The following RBFOX1 variants were observed in gnomAD, a reference collection of about 807,000 sequenced individuals.
RBFOX1 encodes the protein RNA binding protein fox-1 homolog 1.
A neutral mutation model predicts 57.7 loss-of-function variants in RBFOX1; 8 were observed. The ratio of observed to expected loss-of-function variants is 0.14; its 90% CI spans 0.08 to 0.25. RBFOX1 has a LOEUF of 0.25. Ranked by LOEUF, RBFOX1 falls within the 10% of genes least tolerant of loss-of-function variation. The pLI is 1.00. For missense variants in RBFOX1, 611 were observed against 548.5 expected, an observed-to-expected ratio of 1.11 and a Z score of -1.14; for synonymous variants, 326 against 222.4, an observed-to-expected ratio of 1.47 and a Z score of -4.15.
chr16:5,705,511 C>T (rs1258394739), intron 3 of RBFOX1, among the ~76,000 whole-genome samples: 2 of 152,200 alleles, frequency 1.3e-5, no homozygotes, highest in Non-Finnish European at 2.9e-5. Flanking sequence ...AAGGATCTCT[C>T]AGCTTTTAAA....
chr16:6,413,406 C>G (rs377116018), intron 2 of RBFOX1, among the ~76,000 whole-genome samples: 70 of 152,032 alleles, frequency 4.6e-4, no homozygotes, highest in African/African-American at 1.6e-3. Flanking sequence ...TCAAGCAGTC[C>G]TCTCATCTTG....
chr16:7,242,036 A>G lies in RBFOX1; in HGVS notation c.27+189938A>G, dbSNP rs138094284. On this transcript the variant is annotated intron_variant, in intron 4 of 15. Transcript: ENST00000550418. Reference sequence around the variant, plus strand: ...CTTTTTTTGTGCAGTGTCCCTGACCACTAGATGCTATTACCATAGGCACCT... The same window carrying G: ...CTTTTTTTGTGCAGTGTCCCTGACCGCTAGATGCTATTACCATAGGCACCT... Among the ~76,000 whole-genome samples the G allele has an allele frequency of 6.4e-3, 971 of 152,244 alleles. 16 individuals are homozygous for G. The highest frequency in any genetic ancestry group is 0.022 in the African/African-American group (922 of 41,534).
chr16:6,668,589 A>G (rs1335944492), intron 3 of RBFOX1, among the ~76,000 whole-genome samples: 10 of 152,206 alleles, frequency 6.6e-5, no homozygotes, highest in Admixed American at 6.5e-4. Context: ...TAGGTGCTCG[A>G]GAAGCCTTCT....
intron 4 of RBFOX1, among the ~76,000 whole-genome samples, chr16:6,006,309 C>T (rs764950610): frequency 1.2e-4 from 18 of 151,798 alleles, no homozygotes; most frequent in Admixed American, 1.3e-4. Context: ...GGTTCAGCCC[C>T]GGGTATGTGA....
At chr16:6,879,182 T>C (rs977688453) in intron 3 of RBFOX1, among the ~76,000 whole-genome samples, 11 of 152,318 alleles carry the variant, frequency 7.2e-5, no homozygotes, top group African/African-American at 2.4e-4. Flanking sequence ...TCAGCCCTTT[T>C]AATAAGTTGT....
intron 1 of RBFOX1, among the ~76,000 whole-genome samples, chr16:5,420,011 G>T (rs1289996389): frequency 6.6e-6 from 1 of 152,148 alleles, no homozygotes; most frequent in Admixed American, 6.5e-5. Context: ...ACTTGGGCCT[G>T]TGAGACCCTG....
chr16:7,196,264 A>C (rs375498437), intron 4 of RBFOX1, among the ~76,000 whole-genome samples: 1 of 152,118 alleles, frequency 6.6e-6, no homozygotes, highest in African/African-American at 2.4e-5. Flanking sequence ...TGGTGAATGT[A>C]ATGTTCTTGT....
intron 4 of RBFOX1, among the ~76,000 whole-genome samples, chr16:7,134,041 T>A (rs901649328): frequency 1.3e-5 from 2 of 152,226 alleles, no homozygotes; most frequent in African/African-American, 4.8e-5. Context: ...GTAAATTTAA[T>A]ACGTGGGCCT....
intron 3 of RBFOX1, among the ~76,000 whole-genome samples, chr16:6,897,380 G>A (rs192001382): frequency 1.1e-4 from 17 of 152,182 alleles, no homozygotes; most frequent in African/African-American, 3.9e-4. Flanking sequence ...TCCAGCCGGG[G>A]TGACAGAGCG....
chr16:6,889,070 G>A (rs75438504), intron 3 of RBFOX1, among the ~76,000 whole-genome samples: 2 of 152,044 alleles, frequency 1.3e-5, no homozygotes, highest in East Asian at 3.9e-4. Context: ...TTCCCTTATA[G>A]ACACGGGTTG....
intron 3 of RBFOX1, among the ~76,000 whole-genome samples, chr16:5,771,897 G>A (rs993967358): frequency 1.3e-5 from 2 of 152,168 alleles, no homozygotes; most frequent in Non-Finnish European, 2.9e-5. Context: ...GTTTGGGCTG[G>A]GCACAGTGGC....
At chr16:7,272,957 TTTTCCTTCCTTC>T (rs1192452115) in intron 4 of RBFOX1, among the ~76,000 whole-genome samples, 1 of 133,382 alleles carries the variant, frequency 7.5e-6, no homozygotes, top group Non-Finnish European at 1.6e-5. Context: ...GCTTTCTTCC[TTTTCCTTCCTTC>T]TTTCCTTCCG....
Position 5,493,768 on chromosome 16 carries a change from C to T in RBFOX1, c.258+26514C>T, listed in dbSNP as rs1343306455. ...TGTTTGAAAACTTTGTCTTCACTTCCCATCAGAGACCTTGAACGCACAAGG... is the reference window on the plus strand; with the variant it reads ...TGTTTGAAAACTTTGTCTTCACTTCTCATCAGAGACCTTGAACGCACAAGG... On this transcript the variant is annotated intron_variant, in intron 2 of 2. Transcript: ENST00000585867. 5.3e-5 allele frequency among the ~76,000 whole-genome samples: 8 copies of T among 152,170 alleles called. No homozygotes were observed. The East Asian group carries it at 9.6e-4, about 18-fold the overall frequency.
intron 1 of RBFOX1, among the ~76,000 whole-genome samples, chr16:5,399,795 C>T (rs580038): frequency 0.078 from 11,858 of 151,668 alleles, 698 homozygotes; most frequent in African/African-American, 0.15. Flanking sequence ...ATAATCTCAT[C>T]CCCAGTTTTG....
intron 3 of RBFOX1, among the ~76,000 whole-genome samples, chr16:7,026,542 C>T (rs905561586): frequency 6.6e-6 from 1 of 152,106 alleles, no homozygotes; most frequent in African/African-American, 2.4e-5. Context: ...TACACAATCA[C>T]AGCTGCTTCA....
At chr16:5,681,086 T>C (rs1233847848) in intron 3 of RBFOX1, among the ~76,000 whole-genome samples, 1 of 151,898 alleles carries the variant, frequency 6.6e-6, no homozygotes, top group Non-Finnish European at 1.5e-5. Context: ...TATATATATA[T>C]ATTTTGAGAT....
At chr16:5,254,419 G>A (rs1474056852) in intron 1 of RBFOX1, among the ~76,000 whole-genome samples, 2 of 152,174 alleles carry the variant, frequency 1.3e-5, no homozygotes, top group Non-Finnish European at 1.5e-5. Flanking sequence ...TAAAATACCA[G>A]TTTTTCTGAC....
chr16:6,433,894 C>G (rs1171348031), intron 2 of RBFOX1, among the ~76,000 whole-genome samples: 1 of 143,878 alleles, frequency 7.0e-6, no homozygotes, highest in African/African-American at 2.6e-5. Flanking sequence ...GTTTCCCATA[C>G]TGGAATATAG....
intron 3 of RBFOX1, among the ~76,000 whole-genome samples, chr16:5,617,350 T>G (rs988929053): frequency 3.3e-5 from 5 of 152,162 alleles, no homozygotes; most frequent in African/African-American, 1.2e-4. Context: ...GGTCCTGAGG[T>G]CTTCACGAGT....
Sources: gnomAD v4.1 joint callset for allele counts (sites outside exome capture counted in the v4.1 genomes callset) on GRCh38, gnomAD v4.1.1 for gene constraint, MANE v1.5 for transcripts, NCBI Gene and HGNC (gene_info 2026-07-23, HGNC 2026-07-21) for gene names.